Variants in HSF2BP observed in about 807,000 individuals in gnomAD.
The protein encoded by HSF2BP is heat shock transcription factor 2 binding protein, also known as heat shock factor 2-binding protein.
Under a neutral mutation model 35.0 loss-of-function variants are expected in HSF2BP, and 35 were observed. That is an observed-to-expected ratio of 1.00 (90% CI 0.76 to 1.32). The LOEUF (loss-of-function observed/expected upper bound fraction) is 1.32. Among genes scored for constraint, HSF2BP ranks in the 40% most tolerant of loss-of-function variants. The pLI, the probability that HSF2BP is intolerant of heterozygous loss-of-function variation, is 0.00. For missense variants in HSF2BP, 326 were observed against 321.7 expected, an observed-to-expected ratio of 1.01 and a Z score of -0.10; for synonymous variants, 114 against 117.4, an observed-to-expected ratio of 0.97 and a Z score of 0.18.
chr21:43,640,733 G>A (rs1026500342), intron 4 of HSF2BP, among the ~76,000 whole-genome samples: 10 of 151,764 alleles, frequency 6.6e-5, no homozygotes, highest in Admixed American at 2.0e-4. Context: ...GAAACTTCTA[G>A]TGAATCTATA....
At chr21:43,611,507 A>C (rs2082204155) in intron 7 of HSF2BP, among the ~76,000 whole-genome samples, 1 of 152,190 alleles carries the variant, frequency 6.6e-6, no homozygotes, top group Non-Finnish European at 1.5e-5. Flanking sequence ...AGAACCACTA[A>C]ACCAGCAGAG....
At chr21:43,572,386 C>G (rs886774685) in intron 8 of HSF2BP, among the ~76,000 whole-genome samples, 2 of 151,888 alleles carry the variant, frequency 1.3e-5, no homozygotes, top group Admixed American at 1.3e-4. Context: ...GCCCGGAGAA[C>G]ATGTAAGCTT....
intron 7 of HSF2BP, among the ~76,000 whole-genome samples, chr21:43,613,307 A>T (rs148674777): frequency 0.012 from 1,829 of 152,286 alleles, 28 homozygotes; most frequent in African/African-American, 0.041. Context: ...CCTAGAAACC[A>T]AGACACTGGA....
In HSF2BP at chr21:43,630,448, C is replaced by A. The variant is rs1051405941; in HGVS notation, c.448G>T (p.Ala150Ser). Residue 150 changes from alanine (A) to serine (S), a missense_variant, in exon 6 of 9, where the codon GCT (alanine) becomes TCT (serine). Ala to Ser is a moderately conservative substitution (Grantham distance 99). Transcript: ENST00000291560. ...VVKAILGGDK[A>S]LKFFSITGQT... is the part of the protein sequence containing the mutation. ...CCAGTGATGCTGAAAAACTTCAAAG[C>A]TTTATCCTGAAAGTTTGAAAATCAG... is the stretch of plus-strand genomic sequence containing the variant. The A allele has an allele frequency of 6.2e-7, 1 of 1,609,582 alleles. No individual in the cohort carries two copies. Among genetic ancestry groups the A allele is most frequent in the African/African-American group, 1.3e-5 (1 of 74,648 alleles).
In HSF2BP at chr21:43,592,281, A is replaced by C; in HGVS notation, c.740T>G (p.Leu247Trp). 2 of 1,613,928 alleles carry C rather than the reference A, an allele frequency of 1.2e-6. No homozygotes were observed. Among genetic ancestry groups the C allele is most frequent in the Non-Finnish European group, 1.7e-6 (2 of 1,179,856 alleles). ...LYNVSINLKG[L>W]KYISESPGFI... ...TCCTGGACTCTCGCTGATGTATTTC[A>C]AGCCTTTCAAATTGATGCTTACATT... Residue 247 changes from leucine to tryptophan, a missense_variant, in exon 8 of 9, where the codon TTG becomes TGG. By Grantham distance (61) the Leu-to-Trp change is moderately conservative. Transcript: ENST00000291560.
intron 4 of HSF2BP, 111 bp from the exon 5 acceptor site, chr21:43,633,532 T>C (rs547415503): frequency 5.5e-5 from 55 of 995,580 alleles, no homozygotes; most frequent in African/African-American, 2.5e-4. Flanking sequence ...TGTATAATTA[T>C]AGAAAATAGT....
intron 7 of HSF2BP, among the ~76,000 whole-genome samples, chr21:43,602,373 G>A (rs1283900822): frequency 6.6e-6 from 1 of 152,178 alleles, no homozygotes; most frequent in Non-Finnish European, 1.5e-5. Flanking sequence ...TGCAGATGCA[G>A]CCACACAGCT....
chr21:43,606,534 C>A (rs1236457554), intron 7 of HSF2BP, among the ~76,000 whole-genome samples: 1 of 152,112 alleles, frequency 6.6e-6, no homozygotes, highest in Non-Finnish European at 1.5e-5. Flanking sequence ...AGTGCTACAG[C>A]AATGTTTACC....
At chr21:43,610,567 C>G (rs765026329) in intron 7 of HSF2BP, among the ~76,000 whole-genome samples, 1 of 152,136 alleles carries the variant, frequency 6.6e-6, no homozygotes, top group Non-Finnish European at 1.5e-5. Flanking sequence ...GATTGCACCA[C>G]TGCACTCCAG....
intron 8 of HSF2BP, among the ~76,000 whole-genome samples, chr21:43,575,226 T>C (rs2081627952): frequency 6.6e-6 from 1 of 152,234 alleles, no homozygotes; most frequent in Non-Finnish European, 1.5e-5. Context: ...AGTTACAGAA[T>C]ATGAAAACAC....
intron 7 of HSF2BP, among the ~76,000 whole-genome samples, chr21:43,605,071 ACAC>A (rs2082114984): frequency 1.4e-5 from 2 of 146,296 alleles, no homozygotes; most frequent in African/African-American, 5.1e-5. Context: ...CACACACATC[ACAC>A]GTACCACATA....
Position 43,624,495 on chromosome 21 carries a change from G to A in HSF2BP, c.574+5827C>T, listed in dbSNP as rs572588063. 2.6e-5 allele frequency among the ~76,000 whole-genome samples: 4 copies of A among 152,246 alleles called. No individual in the cohort carries two copies. The South Asian group carries it at 8.3e-4, about 32-fold the overall frequency. ...AAGCCCCACCTGGCCTTTTCTGCAC[G>A]CCACACTGCCTCCATGTGTTGGTGT... On this transcript the variant is annotated intron_variant, in intron 6 of 8. Coordinates refer to ENST00000291560, the MANE Select transcript of HSF2BP (RefSeq NM_007031.2).
At chr21:43,602,623 T>G (rs1250296926) in intron 7 of HSF2BP, among the ~76,000 whole-genome samples, 2 of 152,186 alleles carry the variant, frequency 1.3e-5, no homozygotes, top group African/African-American at 4.8e-5. Flanking sequence ...CCAAGAGGCA[T>G]TTCTGTAACC....
At chr21:43,577,796 T>A (rs1442404775) in intron 8 of HSF2BP, among the ~76,000 whole-genome samples, 1 of 152,254 alleles carries the variant, frequency 6.6e-6, no homozygotes, top group Non-Finnish European at 1.5e-5. Flanking sequence ...ACCATTGTGA[T>A]CTGTTCCTGC....
intron 4 of HSF2BP, among the ~76,000 whole-genome samples, chr21:43,633,918 C>T (rs1010863329): frequency 6.6e-6 from 1 of 152,234 alleles, no homozygotes; most frequent in Non-Finnish European, 1.5e-5. Context: ...AAAACAAGTA[C>T]TTTAGAAAAA....
Position 43,610,919 on chromosome 21 carries a change from C to T in HSF2BP, c.692+2911G>A, listed in dbSNP as rs139640710. On this transcript the variant is annotated intron_variant, in intron 7 of 8. Transcript: ENST00000291560. The stretch of plus-strand genomic sequence containing the variant: ...AAAACCCGAAAGTAACTTAAATGCC[C>T]ATCAGTCAGGGAAGGATAATCCAAA... Among the ~76,000 whole-genome samples, 7 of 152,210 alleles carry T rather than the reference C, an allele frequency of 4.6e-5. No individual in the cohort carries two copies. The East Asian group carries it at 1.3e-3, about 29-fold the overall frequency.
intron 6 of HSF2BP, among the ~76,000 whole-genome samples, chr21:43,627,041 T>C (rs2082399073): frequency 2.0e-5 from 3 of 152,062 alleles, no homozygotes; most frequent in Admixed American, 2.0e-4. Context: ...CTAATTTTTT[T>C]GTATTTTAAT....
At chr21:43,609,406 C>G (rs2082174914) in intron 7 of HSF2BP, among the ~76,000 whole-genome samples, 1 of 152,112 alleles carries the variant, frequency 6.6e-6, no homozygotes, top group Admixed American at 6.5e-5. Flanking sequence ...TGTAACAAAC[C>G]TGCACATGTA....
the HSF2BP span, among the ~76,000 whole-genome samples, chr21:43,467,745 A>ACACAG: frequency 5.8e-5 from 5 of 86,354 alleles, no homozygotes; most frequent in African/African-American, 2.2e-4. Context: ...ACCACAAACC[A>ACACAG]CACACCACAC....
Sources: allele counts gnomAD v4.1 joint callset (sites outside exome capture counted in the v4.1 genomes callset), GRCh38; gene constraint gnomAD v4.1.1; transcripts MANE v1.5; gene names NCBI Gene and HGNC (gene_info 2026-07-23, HGNC 2026-07-21).